Variants in GCLM observed in about 807,000 individuals in gnomAD.
The protein encoded by GCLM is glutamate-cysteine ligase modifier subunit.
In GCLM, 15 loss-of-function variants were observed where a neutral mutation model predicts 36.0. That is an observed-to-expected ratio of 0.42 (90% CI 0.28 to 0.64). The LOEUF (loss-of-function observed/expected upper bound fraction) is 0.64, where lower values mean the gene tolerates loss of function less well. Ranked by LOEUF, GCLM falls within the 30% of genes least tolerant of loss-of-function variation. The pLI is 0.25. For synonymous variants in GCLM, 129 were observed against 122.8 expected (o/e 1.05, Z -0.34); for missense variants, 242 against 325.5 (o/e 0.74, Z 1.97).
chr1:93,906,733 TTA>T (rs1469064916), intron 1 of GCLM, among the ~76,000 whole-genome samples: 1 of 152,184 alleles, frequency 6.6e-6, no homozygotes, highest in Non-Finnish European at 1.5e-5. Flanking sequence ...ACATTAATGT[TTA>T]TGTTTGTTCT....
At chr1:93,897,924 AT>A in intron 3 of GCLM, 26 bp from the exon 4 acceptor site, 1 of 1,343,378 alleles carries the variant, frequency 7.4e-7, no homozygotes, top group Non-Finnish European at 1.0e-6. Context: ...AACAAAACTG[AT>A]TACTACATTT....
At chr1:93,901,164 T>G (rs17881957) in intron 3 of GCLM, among the ~76,000 whole-genome samples, 1 of 152,204 alleles carries the variant, frequency 6.6e-6, no homozygotes, top group African/African-American at 2.4e-5. Flanking sequence ...TTTCTCTTCA[T>G]GTAACTTGCC....
rs1231600261 is a variant in GCLM, at chr1:93,901,670, CTATAA to C, written c.193-6_193-2del. On this transcript the variant is annotated splice_acceptor_variant and splice_polypyrimidine_tract_variant and intron_variant, in intron 2 of 6. Coordinates refer to ENST00000370238, the MANE Select transcript of GCLM (RefSeq NM_002061.4). LOFTEE classifies it high-confidence loss of function. ...TGCATTCCAAGACATCTGGAAACTC[CTATAA>C]TAAACACAATATTTAAAACAAATAT... 13 of 1,384,164 alleles carry C rather than the reference CTATAA, an allele frequency of 9.4e-6. No individual in the cohort carries two copies. Among genetic ancestry groups the C allele is most frequent in the Non-Finnish European group, 1.0e-5 (10 of 984,702 alleles). 85.7% of individuals were successfully genotyped at this position (1,384,164 alleles called of 1,614,324 possible).
intron 3 of GCLM, among the ~76,000 whole-genome samples, chr1:93,900,685 T>C (rs976443154): frequency 1.2e-4 from 18 of 152,290 alleles, no homozygotes; most frequent in African/African-American, 4.1e-4. Context: ...CAATAAATGG[T>C]AGTTACTATA....
intron 3 of GCLM, among the ~76,000 whole-genome samples, chr1:93,898,959 A>C (rs1296990574): frequency 6.6e-6 from 1 of 152,162 alleles, no homozygotes; most frequent in Non-Finnish European, 1.5e-5. Flanking sequence ...AAGACCTATA[A>C]AAGCAGAAAG....
intron 6 of GCLM, 64 bp from the exon 7 acceptor site, chr1:93,889,223 G>C (rs1467475667): frequency 2.7e-6 from 3 of 1,104,388 alleles, no homozygotes; most frequent in Non-Finnish European, 3.8e-6. Context: ...AAGCACTTTA[G>C]TATGTAGGTA....
At chr1:93,895,092 G>A (rs1449398309) in intron 5 of GCLM, among the ~76,000 whole-genome samples, 1 of 146,610 alleles carries the variant, frequency 6.8e-6, no homozygotes, top group East Asian at 2.0e-4. Flanking sequence ...TTGGCTCACT[G>A]CAACCTCCAC....
rs567112849 is a variant in GCLM, at chr1:93,889,062, C to T, written c.753G>A (p.Ser251=). The change falls in exon 7 of 7, where the codon TCG becomes TCA. Residue 251 remains serine (S), a synonymous_variant. Coordinates refer to ENST00000370238, the MANE Select transcript of GCLM (RefSeq NM_002061.4). ...TAATTCCTCTACTTTTCACAATGAC[C>T]GAATACCGCAGTAGCCACAGCGGCA... ...EWVPLWLLRY[S]VIVKSRGIIK... 93 of 1,602,298 alleles carry T rather than the reference C, an allele frequency of 5.8e-5. No homozygotes were observed. Among genetic ancestry groups the T allele is most frequent in the South Asian group, 5.5e-4 (49 of 89,318 alleles).
chr1:93,893,671 A>G (rs1656616162), intron 6 of GCLM, among the ~76,000 whole-genome samples: 1 of 152,230 alleles, frequency 6.6e-6, no homozygotes, highest in Non-Finnish European at 1.5e-5. Flanking sequence ...AACATTTCTC[A>G]TTTATACCAA....
At chr1:93,902,589 C>T (rs1030363516) in intron 2 of GCLM, among the ~76,000 whole-genome samples, 1 of 151,936 alleles carries the variant, frequency 6.6e-6, no homozygotes, top group Non-Finnish European at 1.5e-5. Flanking sequence ...CACTCACATC[C>T]ACACAGCCTC....
intron 3 of GCLM, among the ~76,000 whole-genome samples, chr1:93,899,773 A>C (rs541689465): frequency 1.6e-3 from 245 of 152,270 alleles, no homozygotes; most frequent in Non-Finnish European, 2.3e-3. Flanking sequence ...GACCACATTA[A>C]TTGTCATTTC....
At chr1:93,892,884 A>C (rs1656585908) in intron 6 of GCLM, among the ~76,000 whole-genome samples, 1 of 152,160 alleles carries the variant, frequency 6.6e-6, no homozygotes, top group African/African-American at 2.4e-5. Context: ...TTACTGTTAG[A>C]AGAGCCTCCA....
At position 93,887,550 on chromosome 1, in the gene GCLM, A is replaced by T. The variant is rs949508036; in HGVS notation, c.*1440T>A. 6.8e-6 allele frequency: 1 copy of T among 147,420 alleles called. No individual in the cohort carries two copies. Among genetic ancestry groups the T allele is most frequent in the Non-Finnish European group, 1.5e-5 (1 of 67,476 alleles). 9.1% of individuals were successfully genotyped at this position (147,420 alleles called of 1,614,324 possible). On this transcript the variant is annotated 3_prime_UTR_variant, in exon 7 of 7. Coordinates refer to ENST00000370238, the MANE Select transcript of GCLM (RefSeq NM_002061.4). ...CAGTGATGTGATCTCGGCTCACTGTAACCTCCGCCTCCCGGGTTCAAGCGA... is the reference window on the plus strand; with the variant it reads ...CAGTGATGTGATCTCGGCTCACTGTTACCTCCGCCTCCCGGGTTCAAGCGA...
rs1167462024 is a variant in GCLM at position 93,887,748 on chromosome 1, G to C, written c.*1242C>G. Reference sequence around the variant, plus strand: ...CTCCCAAAGTGCTGGGATTACAGGTGTGAGCCACTGCGCCCGGATGAAATA... The same window carrying C: ...CTCCCAAAGTGCTGGGATTACAGGTCTGAGCCACTGCGCCCGGATGAAATA... On this transcript the variant is annotated 3_prime_UTR_variant, in exon 7 of 7. Coordinates refer to ENST00000370238, the MANE Select transcript of GCLM (RefSeq NM_002061.4). 2.6e-5 allele frequency: 4 copies of C among 152,152 alleles called. No homozygotes were observed. Among genetic ancestry groups the C allele is most frequent in the African/African-American group, 9.7e-5 (4 of 41,434 alleles). The allele number at this position is 152,152 out of a possible 1,614,324, so 9.4% of individuals were successfully genotyped here.
chr1:93,889,552 T>C (rs939208083), intron 6 of GCLM, among the ~76,000 whole-genome samples: 1 of 151,998 alleles, frequency 6.6e-6, no homozygotes, highest in Non-Finnish European at 1.5e-5. Context: ...CTTACAACTT[T>C]TTTGGTGTAT....
chr1:93,904,476 T>C (rs1340326861), intron 2 of GCLM, 47 bp downstream of exon 2: 1 of 1,171,722 alleles, frequency 8.5e-7, no homozygotes. Flanking sequence ...CTGTTTACTT[T>C]ACTTCCTTTT....
intron 6 of GCLM, among the ~76,000 whole-genome samples, chr1:93,892,777 T>C (rs1396029563): frequency 6.6e-6 from 1 of 152,202 alleles, no homozygotes; most frequent in Non-Finnish European, 1.5e-5. Flanking sequence ...GGAACCTTAA[T>C]CTTTTCCTAC....
intron 1 of GCLM, among the ~76,000 whole-genome samples, chr1:93,906,738 T>C (rs1006111241): frequency 6.6e-6 from 1 of 152,196 alleles, no homozygotes; most frequent in African/African-American, 2.4e-5. Context: ...AATGTTTATG[T>C]TTGTTCTCCG....
At chr1:93,902,865 GTTTTT>G (rs17880826) in intron 2 of GCLM, among the ~76,000 whole-genome samples, 1 of 151,924 alleles carries the variant, frequency 6.6e-6, no homozygotes. Flanking sequence ...CTTTTTACTA[GTTTTT>G]TTTACTAGAC....
Sources: gnomAD v4.1 joint callset for allele counts (sites outside exome capture counted in the v4.1 genomes callset) on GRCh38, gnomAD v4.1.1 for gene constraint, MANE v1.5 for transcripts, NCBI Gene and HGNC (gene_info 2026-07-23, HGNC 2026-07-21) for gene names.